FBXL4: variants seen among roughly 807,000 people sequenced by gnomAD.
FBXL4 encodes F-box and leucine rich repeat protein 4.
FBXL4 carries 40 observed loss-of-function variants against 58.9 expected under a neutral mutation model. That is an observed-to-expected ratio of 0.68 (90% confidence interval 0.53 to 0.88). FBXL4 has a LOEUF of 0.88. Ranked by LOEUF, FBXL4 falls within the 40% of genes least tolerant of loss-of-function variation. The pLI is 0.00. For missense variants in FBXL4, 676 were observed against 734.4 expected, an observed-to-expected ratio of 0.92 and a Z score of 0.92; for synonymous variants, 263 against 265.5, an observed-to-expected ratio of 0.99 and a Z score of 0.09.
At chr6:98,925,563 T>C (rs1233213321) in intron 4 of FBXL4, among the ~76,000 whole-genome samples, 1 of 152,204 alleles carries the variant, frequency 6.6e-6, no homozygotes, top group East Asian at 1.9e-4. Context: ...AGCAAAAGAC[T>C]AGAAACAACT....
intron 1 of FBXL4, among the ~76,000 whole-genome samples, chr6:98,942,964 T>C (rs1773486765): frequency 6.6e-6 from 1 of 152,112 alleles, no homozygotes; most frequent in Non-Finnish European, 1.5e-5. Context: ...TTGTACAAGG[T>C]AACCTTGTGA....
In FBXL4 at chr6:98,905,494, A is replaced by G; in HGVS notation, c.1035T>C (p.Thr345=). 6.2e-7 allele frequency: 1 copy of G among 1,614,084 alleles called. No individual in the cohort carries two copies. ...AAGATAAATTAAGCCACTGGACAAG[A>G]GTGCAGCGAGACTGTAGAAATTCCA... ...TSLEFLQSRC[T]LVQWLNLSWT... is the part of the protein sequence containing the mutation. The change falls in exon 6 of 10, where the codon ACT becomes ACC. Residue 345 remains threonine, a synonymous_variant. Coordinates refer to ENST00000369244, the MANE Select transcript of FBXL4 (RefSeq NM_001278716.2).
At chr6:98,876,989 T>C (rs191598079) in intron 8 of FBXL4, among the ~76,000 whole-genome samples, 68 of 152,246 alleles carry the variant, frequency 4.5e-4, no homozygotes, top group South Asian at 2.5e-3. Flanking sequence ...GTCTGGAGGA[T>C]GGGCCTATAG....
intron 6 of FBXL4, 62 bp from the exon 7 acceptor site, chr6:98,899,543 G>T: frequency 1.3e-6 from 2 of 1,542,022 alleles, no homozygotes; most frequent in Non-Finnish European, 1.7e-6. Context: ...CAAGAACTTT[G>T]GAATTTTAGC....
At chr6:98,877,266 C>T (rs1243381096) in intron 8 of FBXL4, among the ~76,000 whole-genome samples, 1 of 151,978 alleles carries the variant, frequency 6.6e-6, no homozygotes. Flanking sequence ...CGTGAGTATA[C>T]CTGAACAATA....
At chr6:98,916,921 G>C (rs1312676757) in intron 5 of FBXL4, among the ~76,000 whole-genome samples, 1 of 150,872 alleles carries the variant, frequency 6.6e-6, no homozygotes, top group African/African-American at 2.4e-5. Context: ...AATAGAGTTA[G>C]TATAGAAAAA....
At chr6:98,884,716 T>G (rs572230637) in intron 7 of FBXL4, among the ~76,000 whole-genome samples, 1 of 152,220 alleles carries the variant, frequency 6.6e-6, no homozygotes, top group Non-Finnish European at 1.5e-5. Context: ...CCCATTTTGA[T>G]CTGAAGACTC....
In FBXL4 at chr6:98,875,608, CCCAGAAGCCAGTT is replaced by C; in HGVS notation, c.1496_1508del (p.Glu499GlyfsTer65). ...GGTCAAGCTCCTCCAGTAGTGGACA[CCCAGAAGCCAGTT>C]CTGCTATTCCATTCTCAGTAATATT... On this transcript the variant is annotated frameshift_variant, in exon 9 of 10. Coordinates refer to ENST00000369244, the MANE Select transcript of FBXL4 (RefSeq NM_001278716.2). LOFTEE classifies it high-confidence loss of function. 6.2e-7 allele frequency: 1 copy of C among 1,614,130 alleles called. No homozygotes were observed. Among genetic ancestry groups the C allele is most frequent in the Non-Finnish European group, 8.5e-7 (1 of 1,180,004 alleles).
chr6:98,893,571 G>A (rs899944350), intron 7 of FBXL4, among the ~76,000 whole-genome samples: 25 of 152,266 alleles, frequency 1.6e-4, no homozygotes, highest in African/African-American at 6.0e-4. Context: ...GTACTGGGGG[G>A]TAGGACTTCA....
chr6:98,908,649 C>A (rs894695763), intron 5 of FBXL4, among the ~76,000 whole-genome samples: 1 of 151,868 alleles, frequency 6.6e-6, no homozygotes, highest in African/African-American at 2.4e-5. Context: ...ATATCCTAGA[C>A]AACATTGGTA....
chr6:98,901,105 A>T (rs1391861797), intron 6 of FBXL4, among the ~76,000 whole-genome samples: 1 of 152,090 alleles, frequency 6.6e-6, no homozygotes, highest in Non-Finnish European at 1.5e-5. Context: ...TTGAAGAGAG[A>T]AGGAGATGAT....
At position 98,874,165 on chromosome 6, in the gene FBXL4, T is replaced by A; in HGVS notation, c.*113A>T. On this transcript the variant is annotated 3_prime_UTR_variant, in exon 10 of 10. Transcript: ENST00000369244. Reference sequence around the variant, plus strand: ...GACAATTTCATATTTTTCTTTAAAATCTACAAATGTCTTAATTCTTACCAT... The same window carrying A: ...GACAATTTCATATTTTTCTTTAAAAACTACAAATGTCTTAATTCTTACCAT... 1.3e-6 allele frequency: 1 copy of A among 751,936 alleles called. No individual in the cohort carries two copies. Among genetic ancestry groups the A allele is most frequent in the Non-Finnish European group, 2.0e-6 (1 of 504,374 alleles). The allele number at this position is 751,936 out of a possible 1,614,324, so 46.6% of individuals were successfully genotyped here. A position where few individuals can be genotyped will look rare whatever the true frequency, so the allele number is the denominator to read the frequency against.
intron 4 of FBXL4, among the ~76,000 whole-genome samples, chr6:98,924,096 GA>G (rs1772684659): frequency 6.6e-6 from 1 of 152,060 alleles, no homozygotes; most frequent in South Asian, 2.1e-4. Context: ...AGTAACCCAA[GA>G]GCATGATTTG....
intron 7 of FBXL4, among the ~76,000 whole-genome samples, chr6:98,893,129 T>C (rs370916059): frequency 2.6e-5 from 4 of 152,188 alleles, no homozygotes; most frequent in African/African-American, 7.2e-5. Flanking sequence ...GTAAACAGGT[T>C]CAAACTTCTA....
In FBXL4 at chr6:98,875,400, A is replaced by G. The variant is rs1234086673; in HGVS notation, c.1702+15T>C. On this transcript the variant is annotated intron_variant, in intron 9 of 9. Coordinates refer to ENST00000369244, the MANE Select transcript of FBXL4 (RefSeq NM_001278716.2). ...AAACAGACATTTAAAACAAATTTAT[A>G]TATTGTAACCTTACCTAATATGTCC... 1.9e-6 allele frequency: 3 copies of G among 1,611,180 alleles called. No homozygotes were observed. Among genetic ancestry groups the G allele is most frequent in the Middle Eastern group, 3.3e-4 (2 of 6,036 alleles).
intron 4 of FBXL4, among the ~76,000 whole-genome samples, chr6:98,924,541 A>G (rs2128404291): frequency 6.6e-6 from 1 of 152,278 alleles, no homozygotes; most frequent in African/African-American, 2.4e-5. Context: ...TGGGCGACAG[A>G]GTGAGACCCT....
rs1053279535 is a variant in FBXL4, at chr6:98,871,873, A to AT, written c.*2404dup. 2.0e-5 allele frequency: 3 copies of AT among 152,150 alleles called. No homozygotes were observed. Among genetic ancestry groups the AT allele is most frequent in the African/African-American group, 7.2e-5 (3 of 41,418 alleles). 9.4% of individuals were successfully genotyped at this position (152,150 alleles called of 1,614,324 possible). A position where few individuals can be genotyped will look rare whatever the true frequency, so the allele number is the denominator to read the frequency against. On this transcript the variant is annotated 3_prime_UTR_variant, in exon 10 of 10. Transcript: ENST00000369244. Reference sequence around the variant, plus strand: ...TTTTGCGTTCAGGGCTGATATTGACATTTTTCTGAAAAAGAAGACATGTCC... The same window carrying AT: ...TTTTGCGTTCAGGGCTGATATTGACATTTTTTCTGAAAAAGAAGACATGTCC...
At chr6:98,908,388 C>T (rs1443055569) in intron 5 of FBXL4, among the ~76,000 whole-genome samples, 2 of 152,164 alleles carry the variant, frequency 1.3e-5, no homozygotes, top group Non-Finnish European at 2.9e-5. Context: ...CCTTCCGTTT[C>T]ATAGAAGTGA....
At position 98,917,475 on chromosome 6, in the gene FBXL4, C is replaced by T; in HGVS notation, c.757G>A (p.Glu253Lys). The change falls in exon 5 of 10, where the codon GAA becomes AAA. Residue 253 changes from glutamate (E) to lysine (K), a missense_variant. By Grantham distance (56) the Glu-to-Lys change is moderately conservative. Coordinates refer to ENST00000369244, the MANE Select transcript of FBXL4 (RefSeq NM_001278716.2). ...CTGTCCATTCCACAACCATCCTTTTCTGCATAGGCATCATCTTCTATATCA... is the reference window on the plus strand; with the variant it reads ...CTGTCCATTCCACAACCATCCTTTTTTGCATAGGCATCATCTTCTATATCA... ...MNDIEDDAYA[E>K]KDGCGMDSLN... The T allele has an allele frequency of 6.2e-7, 1 of 1,614,066 alleles. No homozygotes were observed. Among genetic ancestry groups the T allele is most frequent in the Non-Finnish European group, 8.5e-7 (1 of 1,179,956 alleles).
Sources: gnomAD v4.1 joint callset for allele counts (sites outside exome capture counted in the v4.1 genomes callset) on GRCh38, gnomAD v4.1.1 for gene constraint, MANE v1.5 for transcripts, NCBI Gene and HGNC (gene_info 2026-07-23, HGNC 2026-07-21) for gene names.